The following SMCO2 variants were observed in gnomAD, a reference collection of about 807,000 sequenced individuals.
SMCO2 encodes single-pass membrane protein with coiled-coil domains 2.
A neutral mutation model predicts 29.5 loss-of-function variants in SMCO2; 25 were observed. The observed-to-expected ratio is 0.85, with a 90% CI of 0.62 to 1.18. The LOEUF is 1.18. Ranked by LOEUF, SMCO2 falls within the 50% of genes most tolerant of loss-of-function variation. The pLI, the probability that SMCO2 is intolerant of heterozygous loss-of-function variation, is 0.00. For missense variants in SMCO2, 348 were observed against 344.5 expected, an observed-to-expected ratio of 1.01 and a Z score of -0.08; for synonymous variants, 117 against 123.3, an observed-to-expected ratio of 0.95 and a Z score of 0.34.
At chr12:27,464,757 C>T (rs1354503186), upstream of SMCO2, among the ~76,000 whole-genome samples, 3 of 142,240 alleles carry the variant, frequency 2.1e-5, no homozygotes, top group African/African-American at 7.9e-5. Context: ...CGTGGTGGCT[C>T]ACGCCTGTAA....
At chr12:27,445,099 A>G in the SMCO2 span, among the ~76,000 whole-genome samples, 4 of 152,208 alleles carry the variant, frequency 2.6e-5, no homozygotes, top group African/African-American at 4.8e-5. Flanking sequence ...ACAGAGAGAC[A>G]AATATCGTAT....
chr12:27,494,487 TTTATTATTATTATTA>T (rs60980302), intron 6 of SMCO2, 131 bp downstream of exon 7: 4 of 176,502 alleles, frequency 2.3e-5, no homozygotes, highest in East Asian at 3.0e-4. Context: ...TTTAATTTAA[TTTATTATTATTATTA>T]TTATTATTAT....
At chr12:27,439,762 T>G in the SMCO2 span, among the ~76,000 whole-genome samples, 1 of 151,882 alleles carries the variant, frequency 6.6e-6, no homozygotes, top group Non-Finnish European at 1.5e-5. Context: ...AAAGAATCAG[T>G]GAGCTTGAAG....
At position 27,494,456 on chromosome 12, in the gene SMCO2, T is replaced by A. The variant is rs763314126; in HGVS notation, c.507+100T>A. ...GCCTAGAATATGACGGTGCACCACA[T>A]ACTAGTCTCTTTCTTTTTTATTTAA... is the stretch of plus-strand genomic sequence containing the variant. On this transcript the variant is annotated intron_variant, in intron 6 of 7. Transcript: ENST00000298876. 188 of 432,288 alleles carry A rather than the reference T, an allele frequency of 4.3e-4. No individual in the cohort carries two copies. In the Middle Eastern group the frequency reaches 0.013, roughly 29 times the overall value. The allele number at this position is 432,288 out of a possible 1,614,324, so 26.8% of individuals were successfully genotyped here.
intron 7 of SMCO2, among the ~76,000 whole-genome samples, chr12:27,498,934 C>T (rs953769329): frequency 6.6e-6 from 1 of 150,438 alleles, no homozygotes; most frequent in African/African-American, 2.5e-5. Context: ...AAAAGACAGA[C>T]AATAACTAGC....
At chr12:27,462,205 C>T (rs913465377), upstream of SMCO2, among the ~76,000 whole-genome samples, 2 of 152,086 alleles carry the variant, frequency 1.3e-5, no homozygotes, top group African/African-American at 4.8e-5. Context: ...TTCGTTCATT[C>T]GACGTGCTAA....
At chr12:27,468,067 T>C (rs947111851) in intron 1 of SMCO2, among the ~76,000 whole-genome samples, 2 of 152,212 alleles carry the variant, frequency 1.3e-5, no homozygotes, top group African/African-American at 2.4e-5. Context: ...CTCACATCTC[T>C]AATAATATTA....
the SMCO2 span, among the ~76,000 whole-genome samples, chr12:27,441,000 A>G: frequency 6.6e-6 from 1 of 152,150 alleles, no homozygotes; most frequent in Non-Finnish European, 1.5e-5. Flanking sequence ...GCTCATGCCT[A>G]TAATCCCAGT....
the SMCO2 span, among the ~76,000 whole-genome samples, chr12:27,453,037 C>T: frequency 2.0e-5 from 3 of 152,190 alleles, no homozygotes; most frequent in South Asian, 6.2e-4. Flanking sequence ...GCCTGCTCCT[C>T]CTGGGGTCTC....
chr12:27,444,740 A>G, the SMCO2 span, among the ~76,000 whole-genome samples: 1 of 152,234 alleles, frequency 6.6e-6, no homozygotes, highest in Non-Finnish European at 1.5e-5. Flanking sequence ...TATTGCTGGG[A>G]GTATAAGTTA....
At chr12:27,497,852 C>A in intron 7 of SMCO2, 2 of 293,662 alleles carry the variant, frequency 6.8e-6, no homozygotes, top group Non-Finnish European at 1.3e-5. Context: ...GAACAGTGGA[C>A]AATCTCTGCA....
the SMCO2 span, among the ~76,000 whole-genome samples, chr12:27,427,780 G>A: frequency 2.6e-5 from 4 of 152,256 alleles, no homozygotes; most frequent in South Asian, 6.2e-4. Flanking sequence ...AGATAGAACC[G>A]ATTTATCAAG....
chr12:27,478,056 T>C (rs888462964), intron 4 of SMCO2, among the ~76,000 whole-genome samples: 1 of 152,212 alleles, frequency 6.6e-6, no homozygotes, highest in African/African-American at 2.4e-5. Context: ...TTGGCTTTCA[T>C]AGGGAAAGAT....
intron 4 of SMCO2, among the ~76,000 whole-genome samples, chr12:27,484,349 A>T (rs911653455): frequency 6.6e-6 from 1 of 152,212 alleles, no homozygotes; most frequent in African/African-American, 2.4e-5. Context: ...ACTGCACTCC[A>T]GCCTGGGCAA....
the SMCO2 span, among the ~76,000 whole-genome samples, chr12:27,435,924 A>T: frequency 3.3e-5 from 5 of 152,364 alleles, no homozygotes; most frequent in South Asian, 1.0e-3. Flanking sequence ...TATAACAAAA[A>T]TACCATAGAC....
At chr12:27,448,394 A>C in the SMCO2 span, among the ~76,000 whole-genome samples, 2 of 152,228 alleles carry the variant, frequency 1.3e-5, no homozygotes, top group East Asian at 3.8e-4. Flanking sequence ...GTTTAGTAGA[A>C]TACTACTTGT....
the SMCO2 span, among the ~76,000 whole-genome samples, chr12:27,450,359 T>A: frequency 1.4e-5 from 2 of 142,618 alleles, no homozygotes; most frequent in African/African-American, 5.1e-5. Context: ...TGACCTCGCC[T>A]GTTTCTTCTG....
At chr12:27,468,235 A>C (rs1949513854) in intron 1 of SMCO2, among the ~76,000 whole-genome samples, 1 of 152,234 alleles carries the variant, frequency 6.6e-6, no homozygotes. Context: ...GGATCGTAGC[A>C]AACACCCAAC....
intron 6 of SMCO2, among the ~76,000 whole-genome samples, chr12:27,494,813 C>T (rs1942978552): frequency 6.6e-6 from 1 of 151,882 alleles, no homozygotes; most frequent in Non-Finnish European, 1.5e-5. Context: ...AGTCTTATGG[C>T]CTTCCTCCTT....
Sources: allele counts gnomAD v4.1 joint callset (sites outside exome capture counted in the v4.1 genomes callset), GRCh38; gene constraint gnomAD v4.1.1; transcripts MANE v1.5; gene names NCBI Gene and HGNC (gene_info 2026-07-23, HGNC 2026-07-21).